Variants in FER1L6 observed in about 807,000 individuals in gnomAD.
The protein encoded by FER1L6 is fer-1-like protein 6.
FER1L6 carries 177 observed loss-of-function variants against 219.2 expected under a neutral mutation model. That is an observed-to-expected ratio of 0.81 (90% CI 0.71 to 0.91). The LOEUF (loss-of-function observed/expected upper bound fraction) is 0.91. FER1L6 is among the 40% of genes least tolerant of loss of function. FER1L6 has a pLI of 0.00. For synonymous variants in FER1L6, 768 were observed against 824.3 expected, an observed-to-expected ratio of 0.93 and a Z score of 1.17; for missense variants, 2,153 against 2,259.9, an observed-to-expected ratio of 0.95 and a Z score of 0.96.
chr8:124,091,874 C>T (rs928908877), intron 34 of FER1L6, among the ~76,000 whole-genome samples: 19 of 150,152 alleles, frequency 1.3e-4, no homozygotes, highest in African/African-American at 3.7e-4. Flanking sequence ...GGCTGAGGCA[C>T]GAGAATCACT....
At chr8:123,966,579 T>TG (rs776307440) in intron 5 of FER1L6, among the ~76,000 whole-genome samples, 6 of 152,208 alleles carry the variant, frequency 3.9e-5, no homozygotes, top group Non-Finnish European at 8.8e-5. Flanking sequence ...TTATAAGCCC[T>TG]GGGTTTATAG....
At chr8:123,971,767 C>T (rs1343136533) in intron 6 of FER1L6, among the ~76,000 whole-genome samples, 1 of 152,124 alleles carries the variant, frequency 6.6e-6, no homozygotes, top group East Asian at 1.9e-4. Flanking sequence ...TAAGCAGATG[C>T]TATTGGGACA....
chr8:124,007,269 T>C (rs1336048417), intron 13 of FER1L6, among the ~76,000 whole-genome samples: 2 of 151,918 alleles, frequency 1.3e-5, no homozygotes, highest in Admixed American at 1.3e-4. Context: ...CAAATGTCTC[T>C]CTCTCTCTTT....
At chr8:123,993,342 T>G (rs1163003971) in intron 12 of FER1L6, among the ~76,000 whole-genome samples, 1 of 147,400 alleles carries the variant, frequency 6.8e-6, no homozygotes, top group African/African-American at 2.5e-5. Context: ...CTTGGGAGGC[T>G]GAGGCAGGAG....
intron 13 of FER1L6, among the ~76,000 whole-genome samples, chr8:124,006,277 G>T (rs1329883198): frequency 6.6e-6 from 1 of 152,216 alleles, no homozygotes; most frequent in Non-Finnish European, 1.5e-5. Flanking sequence ...TTTAGGAGGA[G>T]ATGAGAGGTC....
chr8:124,105,610 C>T (rs1822734203), intron 39 of FER1L6, among the ~76,000 whole-genome samples: 1 of 152,160 alleles, frequency 6.6e-6, no homozygotes, highest in African/African-American at 2.4e-5. Flanking sequence ...GTGTCAAGTG[C>T]TCCTGAGAGT....
At chr8:124,043,454 T>C (rs1320149080) in intron 20 of FER1L6, among the ~76,000 whole-genome samples, 2 of 152,232 alleles carry the variant, frequency 1.3e-5, no homozygotes, top group Admixed American at 1.3e-4. Context: ...GATAATGTCA[T>C]TTAACTCAGT....
Position 123,905,951 on chromosome 8 carries a change from A to G in FER1L6, c.-7-50041A>G, listed in dbSNP as rs1194518446. Among the ~76,000 whole-genome samples the G allele has an allele frequency of 1.3e-5, 2 of 152,218 alleles. 1 individual carries two copies. The highest frequency in any genetic ancestry group is 2.9e-5 in the Non-Finnish European group (2 of 68,044). On this transcript the variant is annotated intron_variant, in intron 1 of 40. Coordinates refer to ENST00000522917, the MANE Select transcript of FER1L6 (RefSeq NM_001039112.2). Reference sequence around the variant, plus strand: ...ACGGGGTTTTTTGAAGGGATATTGCATTGAAGAACAGGATCAGAAATCAGA... The same window carrying G: ...ACGGGGTTTTTTGAAGGGATATTGCGTTGAAGAACAGGATCAGAAATCAGA...
chr8:124,098,365 A>G (rs1254617609), intron 37 of FER1L6, among the ~76,000 whole-genome samples: 1 of 152,170 alleles, frequency 6.6e-6, no homozygotes, highest in Non-Finnish European at 1.5e-5. Context: ...CCTTTTGGCC[A>G]CTAGTCAGGG....
chr8:123,852,513 T>TGTGTGTG lies in FER1L6; in HGVS notation c.-8+328_-8+329insGTGTGTG, dbSNP rs55750983. Among the ~76,000 whole-genome samples, 4 of 132,266 alleles carry TGTGTGTG rather than the reference T, an allele frequency of 3.0e-5. No individual in the cohort carries two copies. Among genetic ancestry groups the TGTGTGTG allele is most frequent in the Admixed American group, 7.4e-5 (1 of 13,450 alleles). The allele number at this position is 132,266 out of a possible 152,430, so 86.8% of individuals were successfully genotyped here. The stretch of plus-strand genomic sequence containing the variant: ...GTGTGTGTGTGTGTGTGTGTGTGTG[T>TGTGTGTG]TTGACAGAGACAGAGGGAGGAGAAA... On this transcript the variant is annotated intron_variant, in intron 1 of 40. Coordinates refer to ENST00000522917, the MANE Select transcript of FER1L6 (RefSeq NM_001039112.2). The surrounding 1 kb of genome is among the most constrained non-coding windows in gnomAD (Gnocchi z 4.9).
In FER1L6 at chr8:124,062,007, G is replaced by T. The variant is rs538256206; in HGVS notation, c.3303G>T (p.Gln1101His). The stretch of plus-strand genomic sequence containing the variant: ...GAGAGCCCCTTGCCCCCATCACACA[G>T]GTGGATGGAACCCAGCCTGGGCACG... ...KLREPLAPITQVDGTQPGHDI... is the reference protein window; with the variant it reads ...KLREPLAPITHVDGTQPGHDI... Residue 1101 changes from glutamine to histidine, a missense_variant, in exon 25 of 41, where the codon CAG becomes CAT. By Grantham distance (24) the Gln-to-His change is conservative (BLOSUM62 0). Transcript: ENST00000522917. The T allele has an allele frequency of 9.3e-6, 15 of 1,614,124 alleles. No homozygotes were observed. The South Asian group carries it at 1.5e-4, about 17-fold the overall frequency.
intron 13 of FER1L6, among the ~76,000 whole-genome samples, chr8:124,006,561 T>C (rs1175944982): frequency 6.6e-6 from 1 of 152,210 alleles, no homozygotes; most frequent in African/African-American, 2.4e-5. Context: ...GTTGCCCCCA[T>C]TAAAATGTCA....
Position 124,020,639 on chromosome 8 carries a change from G to A in FER1L6, c.2014-911G>A, listed in dbSNP as rs73326401. Reference sequence around the variant, plus strand: ...GCAACCATACCTCTGGGAAGAGGTGGTGAGTGCAGTGGTTAAGCATGTAGA... The same window carrying A: ...GCAACCATACCTCTGGGAAGAGGTGATGAGTGCAGTGGTTAAGCATGTAGA... On this transcript the variant is annotated intron_variant, in intron 16 of 40. Coordinates refer to ENST00000522917, the MANE Select transcript of FER1L6 (RefSeq NM_001039112.2). Among the ~76,000 whole-genome samples, 1,437 of 152,284 alleles carry A rather than the reference G, an allele frequency of 9.4e-3. 26 individuals carry two copies. Among genetic ancestry groups the A allele is most frequent in the African/African-American group, 0.033 (1,363 of 41,540 alleles).
At chr8:123,862,463 G>A (rs1177947250) in intron 1 of FER1L6, among the ~76,000 whole-genome samples, 2 of 135,838 alleles carry the variant, frequency 1.5e-5, no homozygotes, top group Non-Finnish European at 3.1e-5. Flanking sequence ...GTCTCTGCCT[G>A]GCTTTGGTAT....
chr8:124,103,431 A>C (rs1260662978), intron 39 of FER1L6, 122 bp downstream of exon 39: 2 of 940,960 alleles, frequency 2.1e-6, no homozygotes, highest in East Asian at 5.0e-5. Context: ...CTTCATGCAG[A>C]GGTTCTGCTA....
In FER1L6 at chr8:124,057,674, C is replaced by T. The variant is rs576674594; in HGVS notation, c.2875-2506C>T. 4.8e-4 allele frequency among the ~76,000 whole-genome samples: 73 copies of T among 152,228 alleles called. 1 individual carries two copies. The highest frequency in any genetic ancestry group is 1.5e-3 in the African/African-American group (62 of 41,542). ...ATATTAGACCTTTTAATCAGATACTCTGTGCCTCTTCTTTTATGCATTGTC... is the reference window on the plus strand; with the variant it reads ...ATATTAGACCTTTTAATCAGATACTTTGTGCCTCTTCTTTTATGCATTGTC... On this transcript the variant is annotated intron_variant, in intron 22 of 40. Transcript: ENST00000522917.
chr8:124,076,331 T>C lies in FER1L6; in HGVS notation c.4220+6T>C, dbSNP rs1821289322. ...CTGAACCCAGTATTTGGAAGGTCAGTGGCCATCTGGGCTGTGTTTTATTGT... is the reference window on the plus strand; with the variant it reads ...CTGAACCCAGTATTTGGAAGGTCAGCGGCCATCTGGGCTGTGTTTTATTGT... On this transcript the variant is annotated splice_donor_region_variant and intron_variant, in intron 32 of 40. Coordinates refer to ENST00000522917, the MANE Select transcript of FER1L6 (RefSeq NM_001039112.2). 2.5e-6 allele frequency: 4 copies of C among 1,612,922 alleles called. No individual in the cohort carries two copies. The highest frequency in any genetic ancestry group is 3.4e-6 in the Non-Finnish European group (4 of 1,179,104).
chr8:123,871,489 G>T (rs563971641), intron 1 of FER1L6, among the ~76,000 whole-genome samples: 3 of 152,246 alleles, frequency 2.0e-5, no homozygotes, highest in African/African-American at 7.2e-5. Context: ...ACATAATGTT[G>T]AGAGTTTGTA....
intron 1 of FER1L6, among the ~76,000 whole-genome samples, chr8:123,918,080 C>A (rs921858054): frequency 6.6e-6 from 1 of 152,110 alleles, no homozygotes; most frequent in Admixed American, 6.5e-5. Flanking sequence ...GAGGCCAAGG[C>A]GAGTGGATAG....
Sources: allele counts gnomAD v4.1 joint callset (sites outside exome capture counted in the v4.1 genomes callset), GRCh38; gene constraint gnomAD v4.1.1; non-coding constraint Gnocchi (gnomAD v3.1); transcripts MANE v1.5; gene names NCBI Gene and HGNC (gene_info 2026-07-23, HGNC 2026-07-21).